Variants in ANO2 observed in about 807,000 individuals in gnomAD.
The protein encoded by ANO2 is anoctamin-2.
A neutral mutation model predicts 124.2 loss-of-function variants in ANO2; 101 were observed. That is an observed-to-expected ratio of 0.81 (90% CI 0.69 to 0.96). ANO2 has a LOEUF of 0.96. Ranked by LOEUF, ANO2 falls within the 40% of genes least tolerant of loss-of-function variation. The pLI, the probability that ANO2 is intolerant of heterozygous loss-of-function variation, is 0.00. For synonymous variants in ANO2, 486 were observed against 482.5 expected (o/e 1.01, Z -0.09); for missense variants, 1,293 against 1,274.5 (o/e 1.01, Z -0.22).
intron 13 of ANO2, among the ~76,000 whole-genome samples, chr12:5,734,631 C>T (rs1186074562): frequency 6.6e-6 from 1 of 152,048 alleles, no homozygotes; most frequent in African/African-American, 2.4e-5. Context: ...GTTCAAAGCT[C>T]CCTCATCTTT....
chr12:5,562,731 T>G lies in ANO2; in HGVS notation c.*568A>C, dbSNP rs1479286570. On this transcript the variant is annotated 3_prime_UTR_variant, in exon 25 of 25. Coordinates refer to ENST00000682330, the MANE Select transcript of ANO2 (RefSeq NM_001364791.2). ...AAAATGATGGTTATCTGCATTTAGC[T>G]CCAAACGTTTTTGTGACGTGAAGTG... 3 of 152,654 alleles carry G rather than the reference T, an allele frequency of 2.0e-5. No individual in the cohort carries two copies. The highest frequency in any genetic ancestry group is 6.5e-5 in the Admixed American group (1 of 15,322). The allele number at this position is 152,654 out of a possible 1,614,324, so 9.5% of individuals were successfully genotyped here. A position where few individuals can be genotyped will look rare whatever the true frequency, so the allele number is the denominator to read the frequency against.
At chr12:5,923,192 ACACG>A (rs1452752559) in intron 1 of ANO2, among the ~76,000 whole-genome samples, 4 of 125,660 alleles carry the variant, frequency 3.2e-5, no homozygotes, top group Non-Finnish European at 5.4e-5. Flanking sequence ...ACATACACAC[ACACG>A]CACGCACACA....
intron 3 of ANO2, among the ~76,000 whole-genome samples, chr12:5,884,070 G>A (rs1938709777): frequency 1.3e-5 from 2 of 152,120 alleles, no homozygotes; most frequent in South Asian, 2.1e-4. Flanking sequence ...AACCTATAGA[G>A]GGACAGTCTT....
intron 10 of ANO2, among the ~76,000 whole-genome samples, chr12:5,776,939 T>C (rs1952249255): frequency 3.3e-5 from 5 of 152,146 alleles, no homozygotes; most frequent in Admixed American, 3.3e-4. Context: ...GCCTCTACAT[T>C]TGACAGGCTC....
chr12:5,877,549 C>T (rs1938193111), intron 3 of ANO2, among the ~76,000 whole-genome samples: 1 of 152,150 alleles, frequency 6.6e-6, no homozygotes, highest in Non-Finnish European at 1.5e-5. Context: ...GCTCACATCC[C>T]CAGCCAACCA....
At chr12:5,664,736 T>A (rs1947615788) in intron 14 of ANO2, among the ~76,000 whole-genome samples, 1 of 152,210 alleles carries the variant, frequency 6.6e-6, no homozygotes, top group Non-Finnish European at 1.5e-5. Flanking sequence ...TCCCCCATAC[T>A]GAAAAACAGA....
intron 3 of ANO2, among the ~76,000 whole-genome samples, chr12:5,887,942 G>A (rs900775063): frequency 6.6e-6 from 1 of 152,056 alleles, no homozygotes; most frequent in Non-Finnish European, 1.5e-5. Flanking sequence ...CAAAGCATGA[G>A]TGCTTAACCA....
At chr12:5,813,824 A>C (rs1174747391) in intron 7 of ANO2, among the ~76,000 whole-genome samples, 3 of 152,138 alleles carry the variant, frequency 2.0e-5, no homozygotes, top group Admixed American at 6.5e-5. Context: ...AGAGTCTGGG[A>C]AATGTTAGAG....
chr12:5,790,410 C>T (rs564059651), intron 10 of ANO2, among the ~76,000 whole-genome samples: 7 of 152,232 alleles, frequency 4.6e-5, no homozygotes, highest in African/African-American at 1.4e-4. Flanking sequence ...AGCTCAGCCC[C>T]GGTGCTTTCT....
At chr12:5,825,142 G>A (rs191458678) in intron 7 of ANO2, among the ~76,000 whole-genome samples, 13 of 152,270 alleles carry the variant, frequency 8.5e-5, no homozygotes, top group Admixed American at 6.5e-4. Flanking sequence ...CATTGCATCT[G>A]ACCAAGGCAC....
At chr12:5,819,899 G>T (rs1026461252) in intron 7 of ANO2, among the ~76,000 whole-genome samples, 1 of 152,154 alleles carries the variant, frequency 6.6e-6, no homozygotes, top group Non-Finnish European at 1.5e-5. Flanking sequence ...TACTGTAATG[G>T]ACAGCAGAGG....
At position 5,589,758 on chromosome 12, in the gene ANO2, G is replaced by A. The variant is rs181266362; in HGVS notation, c.2233+9726C>T. ...GAGGTGGCTTTGGATGCACGCATGA[G>A]AAGGCGCAGGCAAGCCCAGGGCCGG... On this transcript the variant is annotated intron_variant, in intron 20 of 24. Coordinates refer to ENST00000682330, the MANE Select transcript of ANO2 (RefSeq NM_001364791.2). 1.3e-4 allele frequency among the ~76,000 whole-genome samples: 20 copies of A among 152,288 alleles called. 1 individual carries two copies. Among genetic ancestry groups the A allele is most frequent in the Admixed American group, 9.8e-4 (15 of 15,304 alleles).
chr12:5,579,797 C>G (rs1000609291), intron 20 of ANO2, among the ~76,000 whole-genome samples: 2 of 152,210 alleles, frequency 1.3e-5, no homozygotes, highest in African/African-American at 4.8e-5. Context: ...CCTTCTCACC[C>G]TCCTAATTGT....
At chr12:5,816,286 A>G (rs1281374079) in intron 7 of ANO2, among the ~76,000 whole-genome samples, 2 of 151,330 alleles carry the variant, frequency 1.3e-5, no homozygotes, top group Non-Finnish European at 2.9e-5. Context: ...TCAGGCCTCC[A>G]TATTATCTTG....
At chr12:5,583,088 A>G (rs1190912239) in intron 20 of ANO2, among the ~76,000 whole-genome samples, 2 of 152,228 alleles carry the variant, frequency 1.3e-5, no homozygotes, top group African/African-American at 4.8e-5. Flanking sequence ...CCTATCACAT[A>G]GCAGATGCTC....
intron 14 of ANO2, among the ~76,000 whole-genome samples, chr12:5,673,926 C>A (rs1948121236): frequency 6.6e-6 from 1 of 152,172 alleles, no homozygotes; most frequent in Admixed American, 6.5e-5. Flanking sequence ...AGAGACAGGG[C>A]AAGGCTTGGG....
At chr12:5,838,822 C>T (rs769849867) in intron 4 of ANO2, among the ~76,000 whole-genome samples, 10 of 152,198 alleles carry the variant, frequency 6.6e-5, no homozygotes, top group South Asian at 2.1e-4. Flanking sequence ...CATGGACTTA[C>T]GGAGAGCAGG....
At chr12:5,722,719 C>T (rs1950281076) in intron 14 of ANO2, among the ~76,000 whole-genome samples, 2 of 151,950 alleles carry the variant, frequency 1.3e-5, no homozygotes, top group African/African-American at 2.4e-5. Context: ...CCATGACTTT[C>T]GTATGTGTGT....
chr12:5,728,121 A>G (rs577672435), intron 14 of ANO2, among the ~76,000 whole-genome samples: 1 of 152,240 alleles, frequency 6.6e-6, no homozygotes, highest in Admixed American at 6.5e-5. Context: ...ACTTCTATTC[A>G]GCATTGTACA....
Sources: allele counts gnomAD v4.1 joint callset (sites outside exome capture counted in the v4.1 genomes callset), GRCh38; gene constraint gnomAD v4.1.1; transcripts MANE v1.5; gene names NCBI Gene and HGNC (gene_info 2026-07-23, HGNC 2026-07-21).